CACNA2D3: variants seen among roughly 807,000 people sequenced by gnomAD.
CACNA2D3 encodes calcium voltage-gated channel auxiliary subunit alpha2delta 3.
Under a neutral mutation model 160.6 loss-of-function variants are expected in CACNA2D3, and 60 were observed. The observed-to-expected ratio is 0.37, with a 90% CI of 0.30 to 0.46. The LOEUF (loss-of-function observed/expected upper bound fraction) is 0.46. CACNA2D3 is among the 20% of genes least tolerant of loss of function. The pLI is 1.00. For missense variants in CACNA2D3, 1,205 were observed against 1,365.0 expected (o/e 0.88, Z 1.85); for synonymous variants, 558 against 492.9 (o/e 1.13, Z -1.75).
intron 35 of CACNA2D3, among the ~76,000 whole-genome samples, chr3:55,033,895 TTAATATA>T (rs1703757428): frequency 7.3e-6 from 1 of 137,150 alleles, no homozygotes; most frequent in African/African-American, 2.7e-5. Context: ...TTAAGTATAT[TTAATATA>T]TAATATAAAA....
At chr3:54,993,760 T>C (rs1702790469) in intron 31 of CACNA2D3, among the ~76,000 whole-genome samples, 1 of 152,036 alleles carries the variant, frequency 6.6e-6, no homozygotes, top group African/African-American at 2.4e-5. Flanking sequence ...GGAGCACACC[T>C]GGCCCTTGGC....
chr3:54,282,670 T>C (rs1343156057), intron 2 of CACNA2D3, among the ~76,000 whole-genome samples: 1 of 152,208 alleles, frequency 6.6e-6, no homozygotes, highest in African/African-American at 2.4e-5. Flanking sequence ...GGGTATGCAA[T>C]GAGCTTCATG....
At chr3:54,584,955 C>T (rs909184208) in intron 9 of CACNA2D3, among the ~76,000 whole-genome samples, 2 of 152,278 alleles carry the variant, frequency 1.3e-5, no homozygotes, top group South Asian at 4.1e-4. Flanking sequence ...GAAATAAAGG[C>T]ATTCTCAATG....
intron 13 of CACNA2D3, among the ~76,000 whole-genome samples, chr3:54,771,184 C>G (rs1361477189): frequency 6.6e-6 from 1 of 152,172 alleles, no homozygotes; most frequent in Non-Finnish European, 1.5e-5. Flanking sequence ...AGAGGGGTCA[C>G]TAATTGGTGT....
At chr3:54,743,723 G>T (rs1185545957) in intron 11 of CACNA2D3, among the ~76,000 whole-genome samples, 1 of 152,058 alleles carries the variant, frequency 6.6e-6, no homozygotes, top group Non-Finnish European at 1.5e-5. Flanking sequence ...TGAGAGATGG[G>T]GCATACCTAT....
At chr3:54,362,028 C>G (rs903047811) in intron 3 of CACNA2D3, among the ~76,000 whole-genome samples, 1 of 152,182 alleles carries the variant, frequency 6.6e-6, no homozygotes, top group African/African-American at 2.4e-5. Flanking sequence ...CTCAGCATTT[C>G]CCGTAACTGA....
intron 11 of CACNA2D3, among the ~76,000 whole-genome samples, chr3:54,655,184 C>T (rs988785060): frequency 2.6e-5 from 4 of 152,112 alleles, no homozygotes; most frequent in African/African-American, 9.7e-5. Context: ...GTTTTTATTT[C>T]TCTTGGACTA....
chr3:54,942,900 T>G (rs1049562922), intron 27 of CACNA2D3, among the ~76,000 whole-genome samples: 1 of 152,144 alleles, frequency 6.6e-6, no homozygotes, highest in African/African-American at 2.4e-5. Context: ...GGCACGTGCC[T>G]GTAGTCCCAG....
intron 2 of CACNA2D3, among the ~76,000 whole-genome samples, chr3:54,319,962 T>C (rs767311579): frequency 2.0e-5 from 3 of 152,196 alleles, no homozygotes; most frequent in Non-Finnish European, 4.4e-5. Context: ...GATTGGTTGC[T>C]GAAGAAAATC....
chr3:54,509,748 A>G (rs1174985635), intron 5 of CACNA2D3, among the ~76,000 whole-genome samples: 1 of 152,180 alleles, frequency 6.6e-6, no homozygotes, highest in African/African-American at 2.4e-5. Context: ...AAGTAACTCC[A>G]CAGCTGTCAT....
intron 27 of CACNA2D3, among the ~76,000 whole-genome samples, chr3:54,905,608 T>A (rs1221706233): frequency 1.3e-5 from 2 of 152,178 alleles, no homozygotes; most frequent in Non-Finnish European, 1.5e-5. Flanking sequence ...ACCAGTAGTT[T>A]CCAACCGGGG....
intron 8 of CACNA2D3, among the ~76,000 whole-genome samples, chr3:54,574,549 A>G (rs536568229): frequency 2.6e-5 from 4 of 152,364 alleles, no homozygotes; most frequent in Admixed American, 1.3e-4. Flanking sequence ...ATGAAAGAAT[A>G]GTTGAAATAT....
intron 11 of CACNA2D3, among the ~76,000 whole-genome samples, chr3:54,676,652 G>A (rs557963777): frequency 6.6e-6 from 1 of 152,334 alleles, no homozygotes; most frequent in African/African-American, 2.4e-5. Context: ...AGGAATCCCA[G>A]TGAGCAGAGA....
chr3:54,719,620 T>C (rs1701132169), intron 11 of CACNA2D3, among the ~76,000 whole-genome samples: 1 of 152,000 alleles, frequency 6.6e-6, no homozygotes, highest in African/African-American at 2.4e-5. Context: ...CTTTTTGTAA[T>C]GCTGTTTTCA....
intron 11 of CACNA2D3, among the ~76,000 whole-genome samples, chr3:54,660,010 C>G (rs149537897): frequency 1.3e-5 from 2 of 152,108 alleles, no homozygotes; most frequent in South Asian, 4.1e-4. Context: ...AATGACTTAC[C>G]CTTTGAAGTC....
intron 13 of CACNA2D3, among the ~76,000 whole-genome samples, chr3:54,783,744 T>C (rs74533038): frequency 1.3e-5 from 2 of 152,204 alleles, no homozygotes; most frequent in Non-Finnish European, 2.9e-5. Context: ...ATGTATCTCT[T>C]ACATGGAGAG....
At chr3:54,626,519 A>C in intron 9 of CACNA2D3, 6 of 1,608,470 alleles carry the variant, frequency 3.7e-6, no homozygotes, top group Admixed American at 1.7e-5. Flanking sequence ...AAGACCTTCA[A>C]CCAGGTGGAG....
At chr3:54,840,105 A>G (rs546877517) in intron 16 of CACNA2D3, among the ~76,000 whole-genome samples, 1 of 152,178 alleles carries the variant, frequency 6.6e-6, no homozygotes, top group Admixed American at 6.5e-5. Flanking sequence ...TTTTCCAAAC[A>G]ATTCTTGAGC....
chr3:54,531,425 G>T (rs1701803869), intron 5 of CACNA2D3, among the ~76,000 whole-genome samples: 1 of 152,148 alleles, frequency 6.6e-6, no homozygotes, highest in Admixed American at 6.5e-5. Context: ...CAAAAAAATG[G>T]CTGTGGTTCA....
Sources: allele counts gnomAD v4.1 joint callset (sites outside exome capture counted in the v4.1 genomes callset), GRCh38; gene constraint gnomAD v4.1.1; transcripts MANE v1.5; gene names NCBI Gene and HGNC (gene_info 2026-07-23, HGNC 2026-07-21).